Variants in SLC10A7 observed in about 807,000 individuals in gnomAD.
SLC10A7 encodes the protein solute carrier family 10 member 7, also known as sodium/bile acid cotransporter 7.
In SLC10A7, 29 loss-of-function variants were observed where a neutral mutation model predicts 43.2. The ratio of observed to expected loss-of-function variants is 0.67; its 90% confidence interval spans 0.50 to 0.92. SLC10A7 has a LOEUF of 0.92. Among genes scored for constraint, SLC10A7 ranks in the 40% least tolerant of loss-of-function variants. The probability of loss-of-function intolerance (pLI) is 0.00; values close to 1 mark genes in which losing one functional copy is unlikely to be tolerated. For missense variants in SLC10A7, 295 were observed against 403.2 expected (o/e 0.73, Z 2.30); for synonymous variants, 152 against 144.8 (o/e 1.05, Z -0.35).
At chr4:146,417,299 C>T (rs1579132388) in intron 5 of SLC10A7, among the ~76,000 whole-genome samples, 1 of 152,180 alleles carries the variant, frequency 6.6e-6, no homozygotes, top group Non-Finnish European at 1.5e-5. Flanking sequence ...CATGGAGAAT[C>T]TTTTAAGCCA....
chr4:146,424,089 T>C (rs973875232), intron 5 of SLC10A7, among the ~76,000 whole-genome samples: 1 of 152,218 alleles, frequency 6.6e-6, no homozygotes, highest in African/African-American at 2.4e-5. Flanking sequence ...TCTCCCTCTG[T>C]TGTCCAGGCT....
chr4:146,477,435 A>C (rs1439709746), intron 4 of SLC10A7, among the ~76,000 whole-genome samples: 1 of 152,248 alleles, frequency 6.6e-6, no homozygotes, highest in East Asian at 1.9e-4. Context: ...TAAAAACTCA[A>C]AAGTTATAAT....
chr4:146,413,828 T>G (rs1368896526), intron 5 of SLC10A7, among the ~76,000 whole-genome samples: 2 of 152,158 alleles, frequency 1.3e-5, no homozygotes, highest in African/African-American at 2.4e-5. Context: ...TGAAAAAGAT[T>G]CTCAGTATCC....
chr4:146,290,088 G>A (rs1730321552), intron 9 of SLC10A7, among the ~76,000 whole-genome samples: 1 of 150,250 alleles, frequency 6.7e-6, no homozygotes, highest in South Asian at 2.1e-4. Flanking sequence ...ACTTTGGGAG[G>A]CCAAGGTGGG....
chr4:146,452,205 A>G (rs1405830129), intron 4 of SLC10A7, among the ~76,000 whole-genome samples: 1 of 152,110 alleles, frequency 6.6e-6, no homozygotes, highest in Non-Finnish European at 1.5e-5. Flanking sequence ...CCTATTGCAT[A>G]TGACATCATT....
chr4:146,290,016 AT>A (rs1730313586), intron 9 of SLC10A7, among the ~76,000 whole-genome samples: 1 of 146,988 alleles, frequency 6.8e-6, no homozygotes, highest in African/African-American at 2.5e-5. Flanking sequence ...ACCCAGCCAG[AT>A]TTTTTTAAAA....
At chr4:146,316,929 A>G (rs185269442) in intron 6 of SLC10A7, among the ~76,000 whole-genome samples, 264 of 152,206 alleles carry the variant, frequency 1.7e-3, no homozygotes, top group African/African-American at 6.1e-3. Flanking sequence ...TACAGTTTAC[A>G]ATATGCTTCC....
chr4:146,256,775 T>C (rs1727914545), intron 11 of SLC10A7: 1 of 1,371,522 alleles, frequency 7.3e-7, no homozygotes, highest in African/African-American at 1.4e-5. Context: ...GATGGTAGCC[T>C]TGGGTCTCAA....
chr4:146,472,285 A>G (rs375765567), intron 4 of SLC10A7, among the ~76,000 whole-genome samples: 13 of 152,270 alleles, frequency 8.5e-5, no homozygotes, highest in African/African-American at 2.6e-4. Context: ...CAGTGTTAGG[A>G]AGAAAAACAA....
intron 6 of SLC10A7, among the ~76,000 whole-genome samples, chr4:146,316,662 A>T (rs1236786355): frequency 6.6e-6 from 1 of 152,064 alleles, no homozygotes; most frequent in African/African-American, 2.4e-5. Flanking sequence ...TTAGTAGTAA[A>T]AGGTGATACT....
At chr4:146,372,653 C>T (rs891829845) in intron 5 of SLC10A7, among the ~76,000 whole-genome samples, 1 of 152,044 alleles carries the variant, frequency 6.6e-6, no homozygotes, top group Non-Finnish European at 1.5e-5. Context: ...TTAAACAAAA[C>T]ACTAATTCAT....
intron 9 of SLC10A7, among the ~76,000 whole-genome samples, chr4:146,287,104 G>C (rs147933549): frequency 6.6e-6 from 1 of 150,580 alleles, no homozygotes; most frequent in Non-Finnish European, 1.5e-5. Context: ...GAGAAGGACC[G>C]AGTCTGGAGT....
At chr4:146,484,218 G>A (rs999806273) in intron 4 of SLC10A7, among the ~76,000 whole-genome samples, 20 of 152,150 alleles carry the variant, frequency 1.3e-4, no homozygotes, top group African/African-American at 4.8e-4. Context: ...GCCAGGCATG[G>A]TAGCATGTGC....
intron 4 of SLC10A7, among the ~76,000 whole-genome samples, chr4:146,450,514 T>C (rs1731489522): frequency 6.6e-6 from 1 of 152,136 alleles, no homozygotes; most frequent in East Asian, 1.9e-4. Context: ...GTAAAGCATA[T>C]GAGTTGATGC....
intron 10 of SLC10A7, among the ~76,000 whole-genome samples, chr4:146,282,028 G>T (rs1729587564): frequency 6.6e-6 from 1 of 152,090 alleles, no homozygotes; most frequent in Non-Finnish European, 1.5e-5. Flanking sequence ...GTGTTATTCT[G>T]CCCCTTCTAC....
rs990811696 is a variant in SLC10A7 at position 146,363,744 on chromosome 4, C to T, written c.436-37748G>A. Among the ~76,000 whole-genome samples, 26 of 152,024 alleles carry T rather than the reference C, an allele frequency of 1.7e-4. 1 individual carries two copies. The highest frequency in any genetic ancestry group is 9.6e-5 in the African/African-American group (4 of 41,502). On this transcript the variant is annotated intron_variant, in intron 5 of 11. Transcript: ENST00000335472. ...ACATGGAAAGTAAACAATATGCTCC[C>T]GAACAACCACTGGGTCAATGAAGAA...
chr4:146,418,423 C>A (rs1047099089), intron 5 of SLC10A7, among the ~76,000 whole-genome samples: 2 of 152,008 alleles, frequency 1.3e-5, no homozygotes, highest in African/African-American at 4.8e-5. Context: ...TACATATAAT[C>A]CAAATTAGCA....
At chr4:146,506,698 A>G (rs537805248) in intron 3 of SLC10A7, among the ~76,000 whole-genome samples, 1 of 151,768 alleles carries the variant, frequency 6.6e-6, no homozygotes, top group East Asian at 1.9e-4. Flanking sequence ...AGTTCATTCA[A>G]ATTTAGCTTC....
chr4:146,497,667 C>A (rs944282785), intron 4 of SLC10A7, among the ~76,000 whole-genome samples: 1 of 152,176 alleles, frequency 6.6e-6, no homozygotes, highest in African/African-American at 2.4e-5. Context: ...CAAACCCTAC[C>A]TTTCTTGCTT....
Sources: allele counts gnomAD v4.1 joint callset (sites outside exome capture counted in the v4.1 genomes callset), GRCh38; gene constraint gnomAD v4.1.1; transcripts MANE v1.5; gene names NCBI Gene and HGNC (gene_info 2026-07-23, HGNC 2026-07-21).